LOC400499: variants seen among roughly 807,000 people sequenced by gnomAD.
At chr16:11,420,796 C>A in the LOC400499 span, among the ~76,000 whole-genome samples, 1 of 152,234 alleles carries the variant, frequency 6.6e-6, no homozygotes, top group African/African-American at 2.4e-5. Context: ...GCATCTCAGG[C>A]CCCACCCCAG....
At chr16:11,375,355 C>T in the LOC400499 span, among the ~76,000 whole-genome samples, 9 of 136,784 alleles carry the variant, frequency 6.6e-5, no homozygotes, top group South Asian at 4.5e-4. Flanking sequence ...GCTCTGTCAC[C>T]GAGGCTGGAG....
At chr16:11,505,423 T>C in the LOC400499 span, among the ~76,000 whole-genome samples, 1 of 151,308 alleles carries the variant, frequency 6.6e-6, no homozygotes, top group Non-Finnish European at 1.5e-5. Flanking sequence ...TCATTTTATT[T>C]GATTTTTTTA....
the LOC400499 span, chr16:11,383,881 C>G: frequency 1.3e-3 from 1,645 of 1,232,208 alleles, 1 homozygote; most frequent in Non-Finnish European, 1.4e-3. Context: ...CAGGCTCACA[C>G]TCACCACCCG....
At chr16:11,430,748 C>G in the LOC400499 span, among the ~76,000 whole-genome samples, 2 of 152,266 alleles carry the variant, frequency 1.3e-5, no homozygotes, top group African/African-American at 4.8e-5. Flanking sequence ...AACCCTGCAC[C>G]CAACTCTCCC....
chr16:11,392,752 A>G, the LOC400499 span: 3 of 982,710 alleles, frequency 3.1e-6, no homozygotes, highest in African/African-American at 1.8e-5. Context: ...TTTTTTTTTG[A>G]GACACCAAGG....
At chr16:11,393,625 C>G in the LOC400499 span, 2 of 1,205,870 alleles carry the variant, frequency 1.7e-6, no homozygotes, top group African/African-American at 3.1e-5. Flanking sequence ...CTCCCCTGCC[C>G]GCCCCAGGCT....
the LOC400499 span, among the ~76,000 whole-genome samples, chr16:11,513,660 ATC>A: frequency 6.6e-6 from 1 of 151,972 alleles, no homozygotes; most frequent in Non-Finnish European, 1.5e-5. Context: ...CGAACTCCTG[ATC>A]TCAAGTTATC....
the LOC400499 span, chr16:11,488,652 G>T: frequency 7.5e-5 from 30 of 398,006 alleles, no homozygotes; most frequent in African/African-American, 2.1e-5. Context: ...GGAGCTCCAG[G>T]GTCCCCCAGC....
the LOC400499 span, chr16:11,487,299 G>A: frequency 5.0e-6 from 2 of 399,050 alleles, no homozygotes; most frequent in Non-Finnish European, 8.8e-6. Context: ...GGTGTGGATG[G>A]TCAGGTTGAC....
chr16:11,392,075 C>A, the LOC400499 span: 4 of 399,376 alleles, frequency 1.0e-5, no homozygotes, highest in Non-Finnish European at 1.8e-5. Context: ...CGGGCTTGCA[C>A]CTGGGAGCCA....
the LOC400499 span, among the ~76,000 whole-genome samples, chr16:11,478,860 C>T: frequency 5.9e-5 from 9 of 152,030 alleles, no homozygotes; most frequent in South Asian, 1.5e-3. Flanking sequence ...CCGTGCTGTT[C>T]GCGTGATAGT....
At chr16:11,401,476 AC>A in the LOC400499 span, 1 of 399,258 alleles carries the variant, frequency 2.5e-6, no homozygotes, top group Non-Finnish European at 4.4e-6. Flanking sequence ...ACCCGCACAG[AC>A]CACCTTCTCC....
the LOC400499 span, among the ~76,000 whole-genome samples, chr16:11,413,508 G>C: frequency 3.6e-3 from 550 of 152,272 alleles, 5 homozygotes; most frequent in African/African-American, 0.012. Context: ...AGCAGGACGA[G>C]TTCATGCCAA....
At chr16:11,511,593 G>C in the LOC400499 span, among the ~76,000 whole-genome samples, 1 of 152,146 alleles carries the variant, frequency 6.6e-6, no homozygotes, top group Non-Finnish European at 1.5e-5. Flanking sequence ...AGACACAAAA[G>C]GGCACACTTT....
chr16:11,384,427 C>T, the LOC400499 span: 1 of 559,184 alleles, frequency 1.8e-6, no homozygotes, highest in Non-Finnish European at 2.7e-6. Flanking sequence ...GAGCCTGAAG[C>T]ACACAGAGGA....
chr16:11,393,269 C>T, the LOC400499 span: 509 of 667,564 alleles, frequency 7.6e-4, no homozygotes, highest in Non-Finnish European at 5.4e-4. Context: ...GCTAGGATTA[C>T]AGGTATGAGC....
At chr16:11,399,717 G>A in the LOC400499 span, 7 of 398,726 alleles carry the variant, frequency 1.8e-5, no homozygotes, top group Admixed American at 8.8e-5. Flanking sequence ...CCGGGGAGGC[G>A]GCCAGGCAGC....
the LOC400499 span, chr16:11,460,363 G>T: frequency 8.0e-7 from 1 of 1,251,440 alleles, no homozygotes; most frequent in Non-Finnish European, 1.1e-6. Context: ...TTCCCATATG[G>T]CTATGTGATT....
the LOC400499 span, among the ~76,000 whole-genome samples, chr16:11,438,733 G>C: frequency 2.0e-5 from 3 of 151,908 alleles, no homozygotes; most frequent in Non-Finnish European, 4.4e-5. Context: ...AGGCTGAAGT[G>C]AGCCATGATT....
Sources: gnomAD v4.1 joint callset for allele counts (sites outside exome capture counted in the v4.1 genomes callset) on GRCh38, gnomAD v4.1.1 for gene constraint, MANE v1.5 for transcripts.